Variants in PREX1 observed in about 807,000 individuals in gnomAD.
PREX1 encodes phosphatidylinositol 3,4,5-trisphosphate-dependent Rac exchanger 1 protein.
A neutral mutation model predicts 198.3 loss-of-function variants in PREX1; 41 were observed. That is an observed-to-expected ratio of 0.21 (90% confidence interval 0.16 to 0.27). The LOEUF is 0.27. Among genes scored for constraint, PREX1 ranks in the 10% least tolerant of loss-of-function variants. The pLI is 1.00. For synonymous variants in PREX1, 843 were observed against 887.2 expected, an observed-to-expected ratio of 0.95 and a Z score of 0.89; for missense variants, 1,620 against 2,200.7, an observed-to-expected ratio of 0.74 and a Z score of 5.28.
At chr20:48,642,697 G>A in intron 27 of PREX1, 1 of 529,438 alleles carries the variant, frequency 1.9e-6, no homozygotes, top group Non-Finnish European at 3.4e-6. Context: ...TGGACAACAG[G>A]CACTAACGCA....
At chr20:48,692,827 C>T in intron 7 of PREX1, 37 bp from the exon 8 acceptor site, 4 of 1,544,898 alleles carry the variant, frequency 2.6e-6, no homozygotes, top group African/African-American at 1.4e-5. Flanking sequence ...CCCTACACGT[C>T]ACCTCCCAGA....
At chr20:48,861,712 T>C in the PREX1 span, among the ~76,000 whole-genome samples, 1 of 152,180 alleles carries the variant, frequency 6.6e-6, no homozygotes, top group Non-Finnish European at 1.5e-5. Flanking sequence ...GAGACTCTCC[T>C]TTTTTAACTC....
At chr20:48,710,279 G>A (rs1312577421) in intron 5 of PREX1, among the ~76,000 whole-genome samples, 2 of 152,216 alleles carry the variant, frequency 1.3e-5, no homozygotes, top group Admixed American at 6.5e-5. Context: ...TCTTCACTCA[G>A]CAAATACTGG....
chr20:48,634,144 GTGGA>G (rs985132974), intron 33 of PREX1, among the ~76,000 whole-genome samples: 4 of 120,264 alleles, frequency 3.3e-5, no homozygotes, highest in South Asian at 3.2e-4. Flanking sequence ...ACATGGGTGG[GTGGA>G]TGGATGGATG....
intron 10 of PREX1, among the ~76,000 whole-genome samples, chr20:48,683,192 A>T (rs1486144634): frequency 6.6e-6 from 1 of 152,232 alleles, no homozygotes; most frequent in African/African-American, 2.4e-5. Flanking sequence ...CCACTCTCGG[A>T]AGCCCACCAG....
chr20:48,739,262 C>T lies in PREX1; in HGVS notation c.415-4612G>A, dbSNP rs188615546. 2.0e-3 allele frequency among the ~76,000 whole-genome samples: 309 copies of T among 152,312 alleles called. 2 individuals carry two copies. The highest frequency in any genetic ancestry group is 7.1e-3 in the African/African-American group (297 of 41,560). Reference sequence around the variant, plus strand: ...CAGACCACCCTCCCCAAGATCATCCCATTCCAACCCCTCAGAAAGGCCATC... The same window carrying T: ...CAGACCACCCTCCCCAAGATCATCCTATTCCAACCCCTCAGAAAGGCCATC... On this transcript the variant is annotated intron_variant, in intron 3 of 39. Coordinates refer to ENST00000371941, the MANE Select transcript of PREX1 (RefSeq NM_020820.4).
At position 48,628,439 on chromosome 20, in the gene PREX1, G is replaced by A. The variant is rs114244948; in HGVS notation, c.4767-476C>T. On this transcript the variant is annotated intron_variant, in intron 37 of 39. Coordinates refer to ENST00000371941, the MANE Select transcript of PREX1 (RefSeq NM_020820.4). ...CTGTCCCTCCATGTAACTCCTCTGT[G>A]ACCCTGGGTAGCTGAGTTAACCTCA... Among the ~76,000 whole-genome samples the A allele has an allele frequency of 1.0e-3, 159 of 152,274 alleles. 1 individual carries two copies. The highest frequency in any genetic ancestry group is 3.6e-3 in the African/African-American group (150 of 41,550).
intron 23 of PREX1, among the ~76,000 whole-genome samples, 153 bp from the exon 24 acceptor site, chr20:48,650,359 C>T (rs1329665580): frequency 6.6e-6 from 1 of 152,262 alleles, no homozygotes; most frequent in Non-Finnish European, 1.5e-5. Flanking sequence ...AACCCCTGGA[C>T]TGTGTTTCAC....
chr20:48,806,657 AGAG>A (rs2123029083), intron 1 of PREX1, among the ~76,000 whole-genome samples: 1 of 152,340 alleles, frequency 6.6e-6, no homozygotes, highest in Admixed American at 6.5e-5. Context: ...ACTCCCAGTA[AGAG>A]GAGGAGCCGG....
the PREX1 span, among the ~76,000 whole-genome samples, chr20:48,873,903 C>A: frequency 3.4e-4 from 52 of 152,098 alleles, 1 homozygote; most frequent in Admixed American, 2.6e-4. Context: ...CCCTTGGTGC[C>A]GAGACAGTCT....
rs2089638176 is a variant in PREX1, at chr20:48,666,062, A to G, written c.1738+221T>C. Among the ~76,000 whole-genome samples the G allele has an allele frequency of 6.6e-6, 1 of 152,168 alleles. No individual in the cohort carries two copies. Among genetic ancestry groups the G allele is most frequent in the South Asian group, 2.1e-4 (1 of 4,832 alleles). On this transcript the variant is annotated intron_variant, in intron 15 of 39. Transcript: ENST00000371941. The surrounding 1 kb of genome is among the most constrained non-coding windows in gnomAD (Gnocchi z 4.3). The stretch of plus-strand genomic sequence containing the variant: ...AACCCATGGGTTGGACTTCAAATCT[A>G]GCCCATGTCCTTCCAGCCATTTTGG...
At chr20:48,680,480 T>C (rs2123017451) in intron 11 of PREX1, among the ~76,000 whole-genome samples, 1 of 152,250 alleles carries the variant, frequency 6.6e-6, no homozygotes, top group African/African-American at 2.4e-5. Flanking sequence ...CAATTCTCTA[T>C]AGGATCTCAT....
intron 4 of PREX1, 121 bp downstream of exon 4, chr20:48,734,425 A>G: frequency 2.3e-6 from 2 of 858,296 alleles, no homozygotes; most frequent in Admixed American, 4.0e-5. Context: ...TTTAGGCAGG[A>G]GATTACCCCA....
chr20:48,850,026 A>G, the PREX1 span, among the ~76,000 whole-genome samples: 1 of 152,200 alleles, frequency 6.6e-6, no homozygotes, highest in African/African-American at 2.4e-5. Flanking sequence ...TCCATCTGAA[A>G]GATGGGAATA....
intron 3 of PREX1, among the ~76,000 whole-genome samples, chr20:48,737,698 G>A (rs1486773248): frequency 2.0e-5 from 3 of 152,272 alleles, no homozygotes; most frequent in South Asian, 2.1e-4. Context: ...GCAAGAGCCC[G>A]CAAGGACTCG....
At chr20:48,848,020 T>G in the PREX1 span, among the ~76,000 whole-genome samples, 1 of 152,212 alleles carries the variant, frequency 6.6e-6, no homozygotes, top group South Asian at 2.1e-4. Context: ...TTTTGGGTTG[T>G]CTCCACTTTG....
intron 1 of PREX1, among the ~76,000 whole-genome samples, chr20:48,807,043 T>C (rs1165638685): frequency 1.3e-5 from 2 of 152,180 alleles, no homozygotes; most frequent in Non-Finnish European, 2.9e-5. Context: ...AAGATGGAGG[T>C]GAGCCATGCT....
At chr20:48,818,188 G>T (rs952781313) in intron 1 of PREX1, among the ~76,000 whole-genome samples, 1 of 152,178 alleles carries the variant, frequency 6.6e-6, no homozygotes, top group Admixed American at 6.5e-5. Context: ...AGGCAAATGC[G>T]CTTGGAGGAA....
chr20:48,766,320 C>A (rs1316140546), intron 1 of PREX1, among the ~76,000 whole-genome samples: 2 of 152,150 alleles, frequency 1.3e-5, no homozygotes, highest in African/African-American at 4.8e-5. Flanking sequence ...ATCACTTAGG[C>A]ATCCCTGGGT....
Sources: allele counts gnomAD v4.1 joint callset (sites outside exome capture counted in the v4.1 genomes callset), GRCh38; gene constraint gnomAD v4.1.1; non-coding constraint Gnocchi (gnomAD v3.1); transcripts MANE v1.5; gene names NCBI Gene and HGNC (gene_info 2026-07-23, HGNC 2026-07-21).